The following ARID1B variants were observed in gnomAD, a reference collection of about 807,000 sequenced individuals.
The protein encoded by ARID1B is AT-rich interactive domain-containing protein 1B.
In ARID1B, 30 loss-of-function variants were observed where a neutral mutation model predicts 212.3. That is an observed-to-expected ratio of 0.14 (90% CI 0.11 to 0.19). The LOEUF (loss-of-function observed/expected upper bound fraction) is 0.19, where lower values mean the gene tolerates loss of function less well. Ranked by LOEUF, ARID1B falls within the 10% of genes least tolerant of loss-of-function variation. ARID1B has a pLI of 1.00. For missense variants in ARID1B, 2,891 were observed against 3,204.0 expected (o/e 0.90, Z 2.36); for synonymous variants, 1,402 against 1,301.7 (o/e 1.08, Z -1.66).
intron 1 of ARID1B, among the ~76,000 whole-genome samples, chr6:156,805,740 A>G (rs923488417): frequency 6.6e-6 from 1 of 152,150 alleles, no homozygotes; most frequent in Non-Finnish European, 1.5e-5. Flanking sequence ...CAGTGGCACC[A>G]TTGTAACTCA....
intron 1 of ARID1B, among the ~76,000 whole-genome samples, chr6:156,810,429 G>A (rs183860900): frequency 6.6e-6 from 1 of 152,316 alleles, no homozygotes; most frequent in Admixed American, 6.5e-5. Context: ...CTCAGCTCCT[G>A]GAGCTGCGTT....
intron 1 of ARID1B, among the ~76,000 whole-genome samples, chr6:156,788,462 A>C (rs1337648916): frequency 6.6e-6 from 1 of 152,198 alleles, no homozygotes; most frequent in African/African-American, 2.4e-5. Context: ...TTCTCTGGCC[A>C]ACAATCATTC....
intron 15 of ARID1B, chr6:157,195,754 G>T (rs938222327): frequency 5.0e-6 from 1 of 198,474 alleles, no homozygotes; most frequent in Non-Finnish European, 1.0e-5. Flanking sequence ...TAGTATTATG[G>T]TCTATCATAT....
At chr6:156,914,935 G>A (rs1390095021) in intron 3 of ARID1B, among the ~76,000 whole-genome samples, 1 of 151,958 alleles carries the variant, frequency 6.6e-6, no homozygotes, top group Non-Finnish European at 1.5e-5. Context: ...TTCACCTTAA[G>A]AAAATAAGAT....
At chr6:156,922,319 C>T (rs1031619481) in intron 3 of ARID1B, among the ~76,000 whole-genome samples, 3 of 152,010 alleles carry the variant, frequency 2.0e-5, no homozygotes, top group African/African-American at 7.2e-5. Context: ...GTTACAGGTG[C>T]ATGCCACCGT....
intron 8 of ARID1B, among the ~76,000 whole-genome samples, chr6:157,162,583 C>A (rs546222257): frequency 1.3e-5 from 2 of 152,296 alleles, no homozygotes; most frequent in Non-Finnish European, 1.5e-5. Flanking sequence ...CCTGTAATAA[C>A]CTGGCTTTGC....
At chr6:157,174,561 G>T (rs946346178) in intron 10 of ARID1B, among the ~76,000 whole-genome samples, 1 of 151,026 alleles carries the variant, frequency 6.6e-6, no homozygotes, top group Non-Finnish European at 1.5e-5. Context: ...TTCATAAGGG[G>T]TAACCCATGC....
At chr6:156,813,808 C>CAAT (rs1179583091) in intron 1 of ARID1B, among the ~76,000 whole-genome samples, 2 of 152,134 alleles carry the variant, frequency 1.3e-5, no homozygotes, top group African/African-American at 4.8e-5. Context: ...ATTACCTTAT[C>CAAT]AATACTTAGG....
In ARID1B at chr6:157,154,075, T is replaced by C. The variant is rs1163477240; in HGVS notation, c.3089+5124T>C. On this transcript the variant is annotated intron_variant, in intron 8 of 19. Transcript: ENST00000636930. ...ATTAGTCCTAGATGGTACCTGGTGA[T>C]GTCCAGCAATTGACAGCTCTTCAAA... Among the ~76,000 whole-genome samples, 13 of 152,246 alleles carry C rather than the reference T, an allele frequency of 8.5e-5. 1 individual carries two copies. The highest frequency in any genetic ancestry group is 7.2e-4 in the Admixed American group (11 of 15,282).
At chr6:157,130,905 T>C (rs569736002) in intron 6 of ARID1B, among the ~76,000 whole-genome samples, 15 of 152,316 alleles carry the variant, frequency 9.8e-5, no homozygotes, top group African/African-American at 3.6e-4. Flanking sequence ...CTGAGAGTTG[T>C]TTTTCAAACT....
At chr6:156,776,462 G>C (rs1267149599), upstream of ARID1B, 3 of 151,894 alleles carry the variant, frequency 2.0e-5, no homozygotes, top group Admixed American at 1.3e-4. Flanking sequence ...AATGTATATC[G>C]AGAGGGTTAA....
At chr6:157,183,347 C>T (rs9384532) in intron 12 of ARID1B, among the ~76,000 whole-genome samples, 2,278 of 152,158 alleles carry the variant, frequency 0.015, 58 homozygotes, top group East Asian at 0.073. Flanking sequence ...ACAGAAGAGC[C>T]GTGTGAGAAA....
At chr6:156,909,493 T>C (rs1789697773) in intron 3 of ARID1B, among the ~76,000 whole-genome samples, 1 of 152,202 alleles carries the variant, frequency 6.6e-6, no homozygotes, top group African/African-American at 2.4e-5. Context: ...TCCACTTGTC[T>C]ACAAACCTAG....
chr6:157,006,671 G>T (rs556468578), intron 4 of ARID1B, among the ~76,000 whole-genome samples: 1 of 152,178 alleles, frequency 6.6e-6, no homozygotes, highest in Non-Finnish European at 1.5e-5. Flanking sequence ...ACTTTACTTT[G>T]CTGCAGATAC....
At chr6:156,924,403 C>T (rs978073741) in intron 3 of ARID1B, among the ~76,000 whole-genome samples, 5 of 152,174 alleles carry the variant, frequency 3.3e-5, no homozygotes, top group African/African-American at 1.2e-4. Context: ...TTCTCTTTGG[C>T]TGACTGATTG....
chr6:156,851,136 G>A (rs1192196620), intron 2 of ARID1B, among the ~76,000 whole-genome samples: 1 of 152,110 alleles, frequency 6.6e-6, no homozygotes, highest in Non-Finnish European at 1.5e-5. Context: ...TGTCCCCAAG[G>A]AGGAGACTTA....
At chr6:156,914,286 G>T (rs918892752) in intron 3 of ARID1B, among the ~76,000 whole-genome samples, 1 of 152,180 alleles carries the variant, frequency 6.6e-6, no homozygotes, top group East Asian at 1.9e-4. Flanking sequence ...AGATCATGCG[G>T]TATGAAACAG....
chr6:156,781,214 C>T (rs1779242183), intron 1 of ARID1B, among the ~76,000 whole-genome samples: 1 of 151,978 alleles, frequency 6.6e-6, no homozygotes, highest in African/African-American at 2.4e-5. Context: ...ATGAGATATT[C>T]CTGTGAAATA....
At chr6:157,115,750 G>A (rs990968359) in intron 6 of ARID1B, among the ~76,000 whole-genome samples, 1 of 151,956 alleles carries the variant, frequency 6.6e-6, no homozygotes, top group African/African-American at 2.4e-5. Context: ...ACTAAATAAA[G>A]AAAATTAGTT....
Sources: gnomAD v4.1 joint callset for allele counts (sites outside exome capture counted in the v4.1 genomes callset) on GRCh38, gnomAD v4.1.1 for gene constraint, MANE v1.5 for transcripts, NCBI Gene and HGNC (gene_info 2026-07-23, HGNC 2026-07-21) for gene names.